The following NAV1 variants were observed in gnomAD, a reference collection of about 807,000 sequenced individuals.
The protein encoded by NAV1 is pore membrane and/or filament interacting like protein 3.
Under a neutral mutation model 175.2 loss-of-function variants are expected in NAV1, and 18 were observed. The ratio of observed to expected loss-of-function variants is 0.10; its 90% CI spans 0.07 to 0.15. The LOEUF is 0.15. Among genes scored for constraint, NAV1 ranks in the 10% least tolerant of loss-of-function variants. The pLI, the probability that NAV1 is intolerant of heterozygous loss-of-function variation, is 1.00. For synonymous variants in NAV1, 897 were observed against 978.7 expected (o/e 0.92, Z 1.56); for missense variants, 1,731 against 2,436.6 (o/e 0.71, Z 6.10).
In NAV1 at chr1:201,551,533, A is replaced by G. The variant is rs147836383; in HGVS notation, c.-144+12191A>G. ...CATGAGCCACCTCGCCCAGCGCCAC[A>G]GTGTCTTTAATGGCTCATAGAACTT... On this transcript the variant is annotated intron_variant, in intron 1 of 33. Transcript: ENST00000685211. Among the ~76,000 whole-genome samples the G allele has an allele frequency of 1.4e-4, 21 of 152,312 alleles. No homozygotes were observed. The East Asian group carries it at 4.0e-3, about 29-fold the overall frequency.
chr1:201,793,902 G>T, intron 14 of NAV1, 27 bp downstream of exon 18: 2 of 1,517,234 alleles, frequency 1.3e-6, no homozygotes, highest in South Asian at 2.3e-5. Context: ...AGGGTGGGAG[G>T]GGTGGGTGCG....
At chr1:201,574,056 C>T (rs1666623721) in intron 1 of NAV1, among the ~76,000 whole-genome samples, 3 of 146,888 alleles carry the variant, frequency 2.0e-5, no homozygotes, top group African/African-American at 2.7e-5. Flanking sequence ...GCAGCCCTGT[C>T]TCTAAGAAAA....
At chr1:201,654,063 C>T (rs561846693) in intron 1 of NAV1, among the ~76,000 whole-genome samples, 2 of 152,326 alleles carry the variant, frequency 1.3e-5, no homozygotes, top group Non-Finnish European at 2.9e-5. Context: ...TGACTCACAG[C>T]CCATGGCTCT....
chr1:201,660,811 A>T (rs1433230356), intron 1 of NAV1, among the ~76,000 whole-genome samples: 1 of 152,200 alleles, frequency 6.6e-6, no homozygotes, highest in Non-Finnish European at 1.5e-5. Flanking sequence ...TCAGAGCTGG[A>T]GGAGTCCTGG....
chr1:201,752,252 C>T (rs888247770), intron 3 of NAV1, among the ~76,000 whole-genome samples: 1 of 152,188 alleles, frequency 6.6e-6, no homozygotes, highest in African/African-American at 2.4e-5. Flanking sequence ...TCACTGATCC[C>T]CCCCATGGTG....
chr1:201,813,946 A>C lies in NAV1; in HGVS notation c.5340+688A>C, dbSNP rs140079297. The stretch of plus-strand genomic sequence containing the variant: ...GTGGTGGGCGCCTGCAGTCCCAGCT[A>C]CTTGGAAGGCTGAGGCAGGAGAATG... On this transcript the variant is annotated intron_variant, in intron 28 of 29. Transcript: ENST00000367296. The surrounding 1 kb of genome is among the most constrained non-coding windows in gnomAD (Gnocchi z 4.2). Among the ~76,000 whole-genome samples, 25 of 152,310 alleles carry C rather than the reference A, an allele frequency of 1.6e-4. No homozygotes were observed. The East Asian group carries it at 4.8e-3, about 29-fold the overall frequency.
chr1:201,552,526 C>T (rs977172845), intron 1 of NAV1, among the ~76,000 whole-genome samples: 3 of 152,098 alleles, frequency 2.0e-5, no homozygotes, highest in Non-Finnish European at 4.4e-5. Context: ...GGGTAATGCA[C>T]AGGCTTTGGA....
At chr1:201,685,206 C>T (rs1670637857) in intron 1 of NAV1, among the ~76,000 whole-genome samples, 1 of 150,828 alleles carries the variant, frequency 6.6e-6, no homozygotes, top group South Asian at 2.1e-4. Flanking sequence ...CGCCACTGCA[C>T]CTCCAGCCTG....
rs558067542 is a variant in NAV1 at position 201,700,737 on chromosome 1, C to T, written c.758-12080C>T. ...TAAGAAAATGTAGCACATTGCCGGG[C>T]GCAATGGCTCACGCCTGTAATCCCA... On this transcript the variant is annotated intron_variant, in intron 1 of 29. Transcript: ENST00000367296. 8.1e-4 allele frequency among the ~76,000 whole-genome samples: 124 copies of T among 152,186 alleles called. 2 individuals carry two copies. The South Asian group carries it at 0.024, about 30-fold the overall frequency.
chr1:201,809,543 G>T lies in NAV1; in HGVS notation c.4401+6G>T. On this transcript the variant is annotated splice_donor_region_variant and intron_variant, in intron 22 of 29. Transcript: ENST00000367296. ...CTGTTTTCCAAGTGTTCAAGGTAAA[G>T]GGATACCTGTACTCAAAAAGGTTGT... 1 of 1,612,662 alleles carries T rather than the reference G, an allele frequency of 6.2e-7. No homozygotes were observed. The highest frequency in any genetic ancestry group is 1.1e-5 in the South Asian group (1 of 90,892).
Position 201,734,915 on chromosome 1 carries a change from G to A in NAV1, c.1226+16160G>A, listed in dbSNP as rs562624933. ...ACTGAGACGGTAGCTCACTATACAA[G>A]ATCTGGAGGGTCTACCCTCTCTCCT... On this transcript the variant is annotated intron_variant, in intron 3 of 29. Transcript: ENST00000367296. 3.9e-5 allele frequency among the ~76,000 whole-genome samples: 6 copies of A among 152,320 alleles called. No homozygotes were observed. The South Asian group carries it at 1.2e-3, about 32-fold the overall frequency.
At chr1:201,594,962 G>A (rs540524865) in intron 2 of NAV1, among the ~76,000 whole-genome samples, 1 of 152,388 alleles carries the variant, frequency 6.6e-6, no homozygotes, top group African/African-American at 2.4e-5. Flanking sequence ...TTAGGCAAGG[G>A]CAAGGTGCTT....
chr1:201,714,515 G>A (rs1045797621), intron 2 of NAV1, among the ~76,000 whole-genome samples: 3 of 152,196 alleles, frequency 2.0e-5, no homozygotes, highest in Admixed American at 6.5e-5. Context: ...AGGTGACCAA[G>A]GAAGTCCTGG....
At chr1:201,650,929 C>A (rs1669178389) in intron 1 of NAV1, among the ~76,000 whole-genome samples, 2 of 152,184 alleles carry the variant, frequency 1.3e-5, no homozygotes, top group African/African-American at 4.8e-5. Flanking sequence ...CCACCCGGTC[C>A]TCAGTGTGGG....
rs138165410 is a variant in NAV1, at chr1:201,815,398, G to A, written c.5341-1690G>A. Among the ~76,000 whole-genome samples, 313 of 152,222 alleles carry A rather than the reference G, an allele frequency of 2.1e-3. 1 individual carries two copies. The Middle Eastern group carries it at 0.034, about 17-fold the overall frequency. On this transcript the variant is annotated intron_variant, in intron 28 of 29. Coordinates refer to ENST00000367296, the Ensembl canonical transcript of NAV1. ...CACTTAAAAAAAGGTGGGGTGGTTG[G>A]GGGATGGGGAAGAAATTCTGTCATT...
intron 3 of NAV1, among the ~76,000 whole-genome samples, chr1:201,761,999 A>T (rs559189033): frequency 3.0e-4 from 42 of 138,116 alleles, no homozygotes; most frequent in South Asian, 1.7e-3. Flanking sequence ...CAAAAAAATT[A>T]AAAAAAAAAA....
intron 1 of NAV1, among the ~76,000 whole-genome samples, chr1:201,695,695 C>T (rs1010796172): frequency 9.8e-5 from 15 of 152,346 alleles, no homozygotes; most frequent in African/African-American, 3.4e-4. Flanking sequence ...AGGGCTTGGG[C>T]AAGGGCTGAG....
chr1:201,690,543 CAG>C (rs1192860543), intron 1 of NAV1, among the ~76,000 whole-genome samples: 1 of 151,602 alleles, frequency 6.6e-6, no homozygotes, highest in Non-Finnish European at 1.5e-5. Flanking sequence ...CTGTCCGTGG[CAG>C]AGTGCTGGCT....
chr1:201,812,611 A>G lies in NAV1; in HGVS notation c.5171A>G (p.Tyr1724Cys). Residue 1724 changes from tyrosine (Y) to cysteine (C), a missense_variant, in exon 27 of 30, where the codon TAT (tyrosine) becomes TGT (cysteine). Tyr to Cys is a radical substitution (Grantham distance 194, BLOSUM62 -2). Transcript: ENST00000367296. This position sits in a 1 kb window ranked among gnomAD's most constrained non-coding sequence, Gnocchi z 4.6. ...CTCGACTGGGTACCCAAGCTGTGGT[A>G]TCATCTCCACACCTTCCTTGAGAAG... 2 of 1,614,122 alleles carry G rather than the reference A, an allele frequency of 1.2e-6. No homozygotes were observed. Among genetic ancestry groups the G allele is most frequent in the Non-Finnish European group, 1.7e-6 (2 of 1,180,032 alleles).
Sources: allele counts gnomAD v4.1 joint callset (sites outside exome capture counted in the v4.1 genomes callset), GRCh38; gene constraint gnomAD v4.1.1; non-coding constraint Gnocchi (gnomAD v3.1); transcripts MANE v1.5; gene names NCBI Gene and HGNC (gene_info 2026-07-23, HGNC 2026-07-21).